The following TECRL variants were observed in gnomAD, a reference collection of about 807,000 sequenced individuals.
TECRL encodes the protein trans-2,3-enoyl-CoA reductase like.
In TECRL, 63 loss-of-function variants were observed where a neutral mutation model predicts 52.8. The observed-to-expected ratio is 1.19, with a 90% confidence interval of 0.97 to 1.47. The LOEUF (loss-of-function observed/expected upper bound fraction) is 1.47, where lower values mean the gene tolerates loss of function less well. TECRL is among the 40% of genes most tolerant of loss of function. The pLI is 0.00. For synonymous variants in TECRL, 164 were observed against 141.9 expected (o/e 1.16, Z -1.10); for missense variants, 482 against 429.6 (o/e 1.12, Z -1.08).
chr4:64,368,405 C>T (rs1305899632), intron 2 of TECRL, among the ~76,000 whole-genome samples: 5 of 151,778 alleles, frequency 3.3e-5, no homozygotes, highest in Non-Finnish European at 7.4e-5. Flanking sequence ...AAGCGATTCT[C>T]CTGCCTCAGC....
intron 1 of TECRL, among the ~76,000 whole-genome samples, chr4:64,393,366 AG>A (rs1723682998): frequency 2.0e-5 from 3 of 151,978 alleles, no homozygotes; most frequent in East Asian, 3.9e-4. Flanking sequence ...TTGACTGCAA[AG>A]GGGGGGAACA....
At chr4:64,282,630 C>T (rs1722884491) in intron 9 of TECRL, among the ~76,000 whole-genome samples, 5 of 151,924 alleles carry the variant, frequency 3.3e-5, no homozygotes, top group Admixed American at 3.3e-4. Context: ...GCAGAAGTTT[C>T]AGGAAATAGT....
chr4:64,387,672 T>G (rs189414213), intron 1 of TECRL, among the ~76,000 whole-genome samples: 12 of 152,212 alleles, frequency 7.9e-5, no homozygotes, highest in Non-Finnish European at 1.5e-4. Flanking sequence ...TTTGTATATT[T>G]ATTCGCCATT....
chr4:64,361,233 C>T (rs1475553978), intron 2 of TECRL, among the ~76,000 whole-genome samples: 6 of 152,142 alleles, frequency 3.9e-5, no homozygotes, highest in South Asian at 2.1e-4. Context: ...CACCCACACA[C>T]GGCAGTCCTC....
intron 1 of TECRL, among the ~76,000 whole-genome samples, chr4:64,405,036 T>C (rs1021857260): frequency 1.3e-5 from 2 of 152,090 alleles, no homozygotes; most frequent in African/African-American, 2.4e-5. Flanking sequence ...GATATTTTTG[T>C]GCTTATATAC....
intron 2 of TECRL, among the ~76,000 whole-genome samples, chr4:64,374,339 T>A (rs1463183493): frequency 1.3e-5 from 2 of 151,670 alleles, no homozygotes; most frequent in South Asian, 2.1e-4. Flanking sequence ...ATTTCTATAT[T>A]CTTTTTTTTC....
intron 1 of TECRL, among the ~76,000 whole-genome samples, chr4:64,382,866 CT>C (rs1461090888): frequency 1.3e-5 from 2 of 151,890 alleles, no homozygotes; most frequent in Non-Finnish European, 2.9e-5. Context: ...CTTATTGTGT[CT>C]GCTCCACCCA....
intron 2 of TECRL, among the ~76,000 whole-genome samples, chr4:64,373,568 T>C (rs1446031765): frequency 6.6e-6 from 1 of 151,086 alleles, no homozygotes; most frequent in African/African-American, 2.4e-5. Flanking sequence ...ATAAAAATAA[T>C]ACTTTTTTGT....
At chr4:64,283,595 T>C (rs149726405) in intron 9 of TECRL, among the ~76,000 whole-genome samples, 140 of 152,212 alleles carry the variant, frequency 9.2e-4, no homozygotes, top group African/African-American at 3.1e-3. Context: ...AAACTGCTAA[T>C]TGGCAATTAA....
chr4:64,318,427 T>A (rs1717660826), intron 4 of TECRL, among the ~76,000 whole-genome samples: 3 of 152,016 alleles, frequency 2.0e-5, no homozygotes, highest in South Asian at 2.1e-4. Flanking sequence ...GTTGAATAGA[T>A]AATGGTAGCT....
intron 1 of TECRL, among the ~76,000 whole-genome samples, chr4:64,382,889 C>G (rs1483976116): frequency 6.6e-6 from 1 of 151,824 alleles, no homozygotes; most frequent in Non-Finnish European, 1.5e-5. Flanking sequence ...GAGTTTTATA[C>G]TTTTTTGTAT....
chr4:64,288,889 C>A (rs923196194), intron 9 of TECRL, among the ~76,000 whole-genome samples: 2 of 152,174 alleles, frequency 1.3e-5, no homozygotes, highest in Non-Finnish European at 1.5e-5. Flanking sequence ...ACAACCAATT[C>A]TTTAAAAGTT....
At chr4:64,366,220 A>G (rs1721590282) in intron 2 of TECRL, among the ~76,000 whole-genome samples, 1 of 152,072 alleles carries the variant, frequency 6.6e-6, no homozygotes, top group Non-Finnish European at 1.5e-5. Context: ...CTTGCACTAT[A>G]CACAAAATTC....
chr4:64,321,668 C>T (rs1717911467), intron 4 of TECRL, among the ~76,000 whole-genome samples: 2 of 152,114 alleles, frequency 1.3e-5, no homozygotes. Context: ...TGTTTCAATA[C>T]TGTGCACTAG....
At chr4:64,328,643 G>C in intron 2 of TECRL, 87 bp from the exon 3 acceptor site, 1 of 1,135,048 alleles carries the variant, frequency 8.8e-7, no homozygotes, top group Non-Finnish European at 1.3e-6. Flanking sequence ...AGACCATTTA[G>C]ATCTAGGAAG....
At chr4:64,304,266 T>C (rs913805310) in intron 7 of TECRL, among the ~76,000 whole-genome samples, 1 of 151,918 alleles carries the variant, frequency 6.6e-6, no homozygotes, top group Non-Finnish European at 1.5e-5. Flanking sequence ...ATTTTCACTT[T>C]CAATATTCAT....
intron 1 of TECRL, among the ~76,000 whole-genome samples, chr4:64,403,477 A>G (rs62408529): frequency 0.33 from 21,534 of 65,664 alleles, 1,703 homozygotes; most frequent in East Asian, 0.56. Flanking sequence ...CCCTGAGCGC[A>G]CACACACACA....
chr4:64,280,191 A>C lies in TECRL; in HGVS notation c.973T>G (p.Phe325Val), dbSNP rs745763823. 1.3e-6 allele frequency: 2 copies of C among 1,510,500 alleles called. No individual in the cohort carries two copies. The allele number at this position is 1,510,500 out of a possible 1,614,324, so 93.6% of individuals were successfully genotyped here. A position where few individuals can be genotyped will look rare whatever the true frequency, so the allele number is the denominator to read the frequency against. ...ATCTGGATACTCATCAGAAGTGTAA[A>C]AATTCCAACTAGAAGAAAAAAGAAA... is the stretch of plus-strand genomic sequence containing the variant. Reference protein sequence around the residue: ...VMTQTLPVGIFTLLMSIQMSL... With the variant: ...VMTQTLPVGIVTLLMSIQMSL... The change falls in exon 12 of 12, where the codon TTT becomes GTT. Residue 325 changes from phenylalanine to valine, a missense_variant. Coordinates refer to ENST00000381210, the MANE Select transcript of TECRL (RefSeq NM_001010874.5).
intron 9 of TECRL, among the ~76,000 whole-genome samples, chr4:64,287,238 A>T (rs1723123986): frequency 6.6e-6 from 1 of 152,160 alleles, no homozygotes; most frequent in Non-Finnish European, 1.5e-5. Context: ...TATCACCAAT[A>T]CTCAAAAAGT....
Sources: gnomAD v4.1 joint callset for allele counts (sites outside exome capture counted in the v4.1 genomes callset) on GRCh38, gnomAD v4.1.1 for gene constraint, MANE v1.5 for transcripts, NCBI Gene and HGNC (gene_info 2026-07-23, HGNC 2026-07-21) for gene names.